Variants in CHM observed in about 807,000 individuals in gnomAD.
CHM encodes the protein rab proteins geranylgeranyltransferase component A 1.
Under a neutral mutation model 49.0 loss-of-function variants are expected in CHM, and 10 were observed. The ratio of observed to expected loss-of-function variants is 0.20; its 90% CI spans 0.13 to 0.35. CHM has a LOEUF of 0.35. Ranked by LOEUF, CHM falls within the 10% of genes least tolerant of loss-of-function variation. The pLI, the probability that CHM is intolerant of heterozygous loss-of-function variation, is 1.00. For missense variants in CHM, 455 were observed against 478.4 expected (o/e 0.95, Z 0.46); for synonymous variants, 184 against 167.5 (o/e 1.10, Z -0.76).
chrX:85,957,830 G>C (rs760300529), intron 7 of CHM, 25 bp downstream of exon 7: 1 of 1,192,088 alleles, frequency 8.4e-7, no homozygotes, highest in Non-Finnish European at 1.1e-6. Context: ...AATAATTGGA[G>C]AGCACTACTT....
chrX:85,959,268 T>C (rs1253819782), intron 5 of CHM, among the ~76,000 whole-genome samples: 1 of 112,062 alleles, frequency 8.9e-6, no homozygotes, highest in Non-Finnish European at 1.9e-5. Flanking sequence ...TAAATATTCA[T>C]ATATTTCACT....
chrX:85,891,184 C>T lies in CHM; in HGVS notation c.1510+3004G>A, dbSNP rs144005009. ...ATTCCATTTTAAAAGGGAAACAGAG[C>T]ATAAAAGTTCAGAAAATTTGCAGCT... On this transcript the variant is annotated intron_variant, in intron 12 of 14. Transcript: ENST00000357749. Among the ~76,000 whole-genome samples the T allele has an allele frequency of 8.6e-3, 964 of 111,913 alleles. 15 individuals are homozygous for T. The highest frequency in any genetic ancestry group is 0.08 in the East Asian group (284 of 3,552).
At chrX:85,896,303 C>A (rs1358898376) in intron 11 of CHM, among the ~76,000 whole-genome samples, 3 of 111,117 alleles carry the variant, frequency 2.7e-5, no homozygotes, top group Non-Finnish European at 5.7e-5. Flanking sequence ...TGACCAATTA[C>A]AAGTCAGAGG....
chrX:86,015,449 A>C lies in CHM; in HGVS notation c.116+12042T>G, dbSNP rs767822394. Among the ~76,000 whole-genome samples, 3 of 111,628 alleles carry C rather than the reference A, an allele frequency of 2.7e-5. No individual in the cohort carries two copies. In the East Asian group the frequency reaches 8.5e-4, roughly 32 times the overall value. On this transcript the variant is annotated intron_variant, in intron 2 of 14. Transcript: ENST00000357749. ...TAGCGTGAAAACAGACCGATACAGT[A>C]AATTGGTACCAGTAGAGTGGGGTGT...
intron 8 of CHM, among the ~76,000 whole-genome samples, chrX:85,942,488 T>C (rs1490813707): frequency 9.0e-6 from 1 of 111,698 alleles, no homozygotes; most frequent in African/African-American, 3.2e-5. Context: ...ACATAAAACA[T>C]TTTGTAAATA....
intron 9 of CHM, among the ~76,000 whole-genome samples, chrX:85,906,796 C>T (rs1219514967): frequency 8.9e-6 from 1 of 112,129 alleles, no homozygotes; most frequent in Non-Finnish European, 1.9e-5. Flanking sequence ...TCACCTCAAA[C>T]TTGGTCTCAC....
intron 4 of CHM, chrX:85,971,102 C>A (rs1183972263): frequency 3.2e-6 from 2 of 619,544 alleles, no homozygotes. Context: ...TATAAATACA[C>A]CCTATATATT....
At position 85,957,952 on chromosome X, in the gene CHM, G is replaced by C. The variant is rs746336902; in HGVS notation, c.843C>G (p.Val281=). ...CCATAGTAAGTTGTTTGCTATTAAA[G>C]ACATCTGCTCTGGAACACGGAACCT... ...VEQVPCSRAD[V]FNSKQLTMVE... Residue 281 remains valine, a synonymous_variant, in exon 7 of 15, where the codon GTC becomes GTG. Coordinates refer to ENST00000357749, the MANE Select transcript of CHM (RefSeq NM_000390.4). 1 of 1,210,565 alleles carries C rather than the reference G, an allele frequency of 8.3e-7. No individual in the cohort carries two copies. Among genetic ancestry groups the C allele is most frequent in the African/African-American group, 1.7e-5 (1 of 57,815 alleles).
chrX:86,010,410 A>C (rs113927479), intron 2 of CHM, among the ~76,000 whole-genome samples: 38 of 109,685 alleles, frequency 3.5e-4, no homozygotes, highest in Middle Eastern at 4.2e-3. Flanking sequence ...GTCTGTAGTT[A>C]ATAGTATTCT....
chrX:86,021,125 C>CATAT (rs1569254991), intron 2 of CHM, among the ~76,000 whole-genome samples: 14 of 19,990 alleles, frequency 7.0e-4, no homozygotes, highest in South Asian at 3.9e-3. Context: ...TGTGTATATA[C>CATAT]GTATATATAT....
At chrX:85,990,077 T>C (rs1321815838) in intron 2 of CHM, among the ~76,000 whole-genome samples, 1 of 112,051 alleles carries the variant, frequency 8.9e-6, no homozygotes, top group Non-Finnish European at 1.9e-5. Context: ...AGCTAAGACA[T>C]AGAATCAACT....
intron 8 of CHM, among the ~76,000 whole-genome samples, chrX:85,920,018 T>A (rs1353191619): frequency 1.8e-5 from 2 of 111,968 alleles, no homozygotes; most frequent in Admixed American, 1.9e-4. Flanking sequence ...TTAAAAAAAA[T>A]AAGTTTTGGT....
intron 1 of CHM, among the ~76,000 whole-genome samples, chrX:86,037,479 C>CT (rs1934298063): frequency 1.8e-5 from 2 of 111,271 alleles, no homozygotes. Flanking sequence ...CCAAAATGAT[C>CT]TTTTCACAGC....
intron 12 of CHM, among the ~76,000 whole-genome samples, chrX:85,892,854 T>A (rs967498017): frequency 4.5e-5 from 5 of 111,739 alleles, no homozygotes; most frequent in Admixed American, 2.9e-4. Flanking sequence ...CCATATTAGT[T>A]TTTTTGCTTC....
intron 1 of CHM, among the ~76,000 whole-genome samples, chrX:86,037,500 C>T (rs1032954395): frequency 5.4e-5 from 6 of 111,292 alleles, no homozygotes; most frequent in African/African-American, 3.3e-5. Flanking sequence ...AAAGTATACC[C>T]CAGGCCAGTG....
intron 8 of CHM, among the ~76,000 whole-genome samples, chrX:85,940,455 G>A (rs750449150): frequency 3.8e-4 from 42 of 111,421 alleles, no homozygotes; most frequent in Non-Finnish European, 6.6e-4. Flanking sequence ...TTTTTCAAGC[G>A]GTTATGGTTC....
At chrX:86,047,296 C>T in intron 1 of CHM, 188 bp downstream of exon 1, 2 of 495,931 alleles carry the variant, frequency 4.0e-6, no homozygotes, top group South Asian at 5.5e-5. Context: ...TGGCGATAAG[C>T]ACTGCGGGTC....
chrX:86,015,063 T>G (rs1933234514), intron 2 of CHM, among the ~76,000 whole-genome samples: 1 of 52,552 alleles, frequency 1.9e-5, no homozygotes, highest in Non-Finnish European at 4.6e-5. Flanking sequence ...AAAAAGTTAT[T>G]TTTTTTTTTA....
intron 9 of CHM, among the ~76,000 whole-genome samples, chrX:85,907,020 C>CT (rs1432121704): frequency 4.5e-5 from 5 of 111,115 alleles, no homozygotes; most frequent in Non-Finnish European, 9.4e-5. Flanking sequence ...ATCCCAGCTA[C>CT]TAGGGGGGCT....
Sources: allele counts gnomAD v4.1 joint callset (sites outside exome capture counted in the v4.1 genomes callset), GRCh38; gene constraint gnomAD v4.1.1; transcripts MANE v1.5; gene names NCBI Gene and HGNC (gene_info 2026-07-23, HGNC 2026-07-21).